The following PDE7A variants were observed in gnomAD, a reference collection of about 807,000 sequenced individuals.
PDE7A encodes high affinity 3',5'-cyclic-AMP phosphodiesterase 7A.
PDE7A carries 39 observed loss-of-function variants against 64.3 expected under a neutral mutation model. The observed-to-expected ratio is 0.61, with a 90% CI of 0.47 to 0.79. PDE7A has a LOEUF of 0.79. PDE7A is among the 30% of genes least tolerant of loss of function. PDE7A has a pLI of 0.00. For synonymous variants in PDE7A, 203 were observed against 206.8 expected (o/e 0.98, Z 0.16); for missense variants, 470 against 582.8 (o/e 0.81, Z 1.99).
chr8:65,798,690 G>C (rs73242918), intron 1 of PDE7A, among the ~76,000 whole-genome samples: 9,836 of 152,172 alleles, frequency 0.065, 525 homozygotes, highest in African/African-American at 0.15. Context: ...TTAACCACAA[G>C]AATGGCTAAA....
At chr8:65,825,808 T>G (rs1810658616) in intron 1 of PDE7A, among the ~76,000 whole-genome samples, 1 of 152,166 alleles carries the variant, frequency 6.6e-6, no homozygotes, top group South Asian at 2.1e-4. Context: ...GTGAATAGGG[T>G]AAACAGGACT....
intron 3 of PDE7A, among the ~76,000 whole-genome samples, chr8:65,757,766 G>A (rs1410756188): frequency 1.3e-5 from 2 of 152,056 alleles, no homozygotes; most frequent in African/African-American, 4.8e-5. Context: ...CTACAGACGT[G>A]TGCCACCACG....
intron 2 of PDE7A, among the ~76,000 whole-genome samples, chr8:65,781,742 G>T (rs1456212354): frequency 6.6e-6 from 1 of 152,194 alleles, no homozygotes; most frequent in Non-Finnish European, 1.5e-5. Flanking sequence ...CTTTAGACAT[G>T]TTAAGTTTGA....
intron 3 of PDE7A, among the ~76,000 whole-genome samples, chr8:65,750,712 A>G (rs1188906232): frequency 6.6e-6 from 1 of 152,122 alleles, no homozygotes; most frequent in Non-Finnish European, 1.5e-5. Flanking sequence ...CCCAACCATG[A>G]AATCATGGTT....
chr8:65,807,939 A>T lies in PDE7A; in HGVS notation c.139-25096T>A, dbSNP rs939860607. ...CTAGGTAAATCTTATTGTATACAAG[A>T]ATTTGGAACAAGTTTTTTGTTACTT... On this transcript the variant is annotated intron_variant, in intron 1 of 12. Coordinates refer to ENST00000401827, the MANE Select transcript of PDE7A (RefSeq NM_001242318.3). 2.0e-5 allele frequency among the ~76,000 whole-genome samples: 3 copies of T among 152,192 alleles called. No individual in the cohort carries two copies. In the East Asian group the frequency reaches 5.8e-4, roughly 29 times the overall value.
chr8:65,760,841 G>A (rs943092878), intron 3 of PDE7A, among the ~76,000 whole-genome samples: 1 of 152,058 alleles, frequency 6.6e-6, no homozygotes, highest in African/African-American at 2.4e-5. Flanking sequence ...GCAGGTTAGC[G>A]AAACCTGAGT....
intron 1 of PDE7A, among the ~76,000 whole-genome samples, chr8:65,803,383 T>C (rs747321634): frequency 9.9e-5 from 15 of 152,192 alleles, no homozygotes; most frequent in Admixed American, 9.2e-4. Flanking sequence ...AGTTTGACCA[T>C]AGTGCTCCCC....
intron 3 of PDE7A, among the ~76,000 whole-genome samples, chr8:65,751,712 G>A (rs1807974068): frequency 2.0e-5 from 3 of 152,242 alleles, no homozygotes; most frequent in South Asian, 2.1e-4. Flanking sequence ...GGCTGGTCTC[G>A]AACTCCCGAC....
intron 1 of PDE7A, among the ~76,000 whole-genome samples, chr8:65,796,416 C>A (rs1043213571): frequency 6.6e-6 from 1 of 152,012 alleles, no homozygotes; most frequent in Non-Finnish European, 1.5e-5. Flanking sequence ...AAACCATAGA[C>A]TAATATCCCC....
intron 1 of PDE7A, among the ~76,000 whole-genome samples, chr8:65,792,747 G>A (rs1809735043): frequency 6.6e-6 from 1 of 152,106 alleles, no homozygotes; most frequent in African/African-American, 2.4e-5. Flanking sequence ...ATAAATCAGA[G>A]TAAGGTTTTG....
At chr8:65,808,621 A>G (rs1240215450) in intron 1 of PDE7A, among the ~76,000 whole-genome samples, 1 of 152,150 alleles carries the variant, frequency 6.6e-6, no homozygotes, top group Non-Finnish European at 1.5e-5. Flanking sequence ...GATTCTTATT[A>G]TTTTTGCATG....
chr8:65,828,325 T>C (rs1215842338), intron 1 of PDE7A, among the ~76,000 whole-genome samples: 1 of 152,166 alleles, frequency 6.6e-6, no homozygotes. Flanking sequence ...GAAAGCAGCA[T>C]TAAATGGCTG....
At chr8:65,729,273 T>C (rs1328499824) in intron 7 of PDE7A, among the ~76,000 whole-genome samples, 1 of 152,028 alleles carries the variant, frequency 6.6e-6, no homozygotes, top group African/African-American at 2.4e-5. Context: ...AGTTTTGCTG[T>C]GTTCAGTGAA....
chr8:65,804,664 A>C (rs924515434), intron 1 of PDE7A, among the ~76,000 whole-genome samples: 3 of 151,434 alleles, frequency 2.0e-5, no homozygotes, highest in Non-Finnish European at 4.4e-5. Context: ...CAGCCTCCCA[A>C]GTAGCCAGGA....
At chr8:65,791,521 C>T (rs1809702173) in intron 1 of PDE7A, among the ~76,000 whole-genome samples, 1 of 152,216 alleles carries the variant, frequency 6.6e-6, no homozygotes, top group Non-Finnish European at 1.5e-5. Context: ...AGGGAACTTG[C>T]ACTGTGTTTG....
chr8:65,776,270 T>C (rs1283343064), intron 3 of PDE7A, among the ~76,000 whole-genome samples: 2 of 152,206 alleles, frequency 1.3e-5, no homozygotes, highest in Admixed American at 1.3e-4. Context: ...AATATCCATA[T>C]ATGTGTGGGT....
Position 65,822,141 on chromosome 8 carries a change from T to C in PDE7A, c.138+19230A>G, listed in dbSNP as rs991980775. ...CTGCTACTCAACAGGGACCCATCTA[T>C]TAAAGAAAGAAGTCCCCAGGAGAAA... On this transcript the variant is annotated intron_variant, in intron 1 of 12. Transcript: ENST00000401827. Among the ~76,000 whole-genome samples the C allele has an allele frequency of 6.0e-4, 91 of 152,204 alleles. 5 individuals carry two copies. Among genetic ancestry groups the C allele is most frequent in the Admixed American group, 6.5e-5 (1 of 15,282 alleles).
chr8:65,770,510 G>T (rs1809033133), intron 3 of PDE7A, among the ~76,000 whole-genome samples: 1 of 152,104 alleles, frequency 6.6e-6, no homozygotes, highest in East Asian at 1.9e-4. Flanking sequence ...CCTCCCACTG[G>T]GCCCCTCCCA....
intron 1 of PDE7A, among the ~76,000 whole-genome samples, chr8:65,825,724 G>T (rs1387675160): frequency 6.6e-6 from 1 of 152,150 alleles, no homozygotes; most frequent in African/African-American, 2.4e-5. Flanking sequence ...GTATGCATGA[G>T]ATTAAATGAG....
Sources: allele counts gnomAD v4.1 joint callset (sites outside exome capture counted in the v4.1 genomes callset), GRCh38; gene constraint gnomAD v4.1.1; transcripts MANE v1.5; gene names NCBI Gene and HGNC (gene_info 2026-07-23, HGNC 2026-07-21).